The following SEPTIN11 variants were observed in gnomAD, a reference collection of about 807,000 sequenced individuals.
The protein encoded by SEPTIN11 is septin-11.
In SEPTIN11, 25 loss-of-function variants were observed where a neutral mutation model predicts 51.4. The ratio of observed to expected loss-of-function variants is 0.49; its 90% confidence interval spans 0.35 to 0.68. The LOEUF (loss-of-function observed/expected upper bound fraction) is 0.68. Among genes scored for constraint, SEPTIN11 ranks in the 30% least tolerant of loss-of-function variants. The pLI is 0.00. For missense variants in SEPTIN11, 381 were observed against 520.8 expected, an observed-to-expected ratio of 0.73 and a Z score of 2.61; for synonymous variants, 174 against 184.1, an observed-to-expected ratio of 0.95 and a Z score of 0.44.
intron 2 of SEPTIN11, among the ~76,000 whole-genome samples, chr4:77,000,820 A>G (rs1336867852): frequency 6.6e-6 from 1 of 152,192 alleles, no homozygotes; most frequent in Non-Finnish European, 1.5e-5. Flanking sequence ...AGTATGTTTC[A>G]TCAAAGGTGA....
Position 76,960,837 on chromosome 4 carries a change from T to G in SEPTIN11, c.27+10907T>G, listed in dbSNP as rs559487106. On this transcript the variant is annotated intron_variant, in intron 1 of 9. Coordinates refer to ENST00000264893, the MANE Select transcript of SEPTIN11 (RefSeq NM_018243.4). ...AACCAAATCAGAACCAAAATTTGTCTTTGGAAAATGGATCTCTTTGTCACT... is the reference window on the plus strand; with the variant it reads ...AACCAAATCAGAACCAAAATTTGTCGTTGGAAAATGGATCTCTTTGTCACT... Among the ~76,000 whole-genome samples the G allele has an allele frequency of 9.8e-5, 15 of 152,340 alleles. 1 individual carries two copies. The South Asian group carries it at 3.1e-3, about 32-fold the overall frequency.
intron 1 of SEPTIN11, among the ~76,000 whole-genome samples, chr4:76,954,983 A>AT (rs11324669): frequency 2.6e-5 from 4 of 151,524 alleles, no homozygotes; most frequent in South Asian, 2.1e-4. Context: ...TTATTTATTT[A>AT]TTTTTTTTTG....
intron 8 of SEPTIN11, among the ~76,000 whole-genome samples, chr4:77,029,781 C>CATAT (rs1553979371): frequency 7.2e-6 from 1 of 139,134 alleles, no homozygotes; most frequent in Admixed American, 7.2e-5. Flanking sequence ...CACACACACA[C>CATAT]ATATATATAC....
intron 1 of SEPTIN11, among the ~76,000 whole-genome samples, chr4:76,955,961 C>T (rs558281633): frequency 2.0e-5 from 3 of 152,260 alleles, no homozygotes; most frequent in Middle Eastern, 3.4e-3. Flanking sequence ...CCACCTTGGA[C>T]TTCAAGTGGC....
At position 77,008,031 on chromosome 4, in the gene SEPTIN11, C is replaced by T. The variant is rs116358094; in HGVS notation, c.338+2235C>T. ...GAATGTCCCAGTTTGTTTATGTAGG[C>T]TTTGGACATGTCAACATTCCTGTAT... is the stretch of plus-strand genomic sequence containing the variant. On this transcript the variant is annotated intron_variant, in intron 3 of 9. Coordinates refer to ENST00000264893, the MANE Select transcript of SEPTIN11 (RefSeq NM_018243.4). Among the ~76,000 whole-genome samples the T allele has an allele frequency of 7.5e-3, 1,138 of 152,338 alleles. 10 individuals carry two copies. The highest frequency in any genetic ancestry group is 0.026 in the African/African-American group (1,075 of 41,570).
At chr4:76,961,439 A>G (rs1365476703) in intron 1 of SEPTIN11, among the ~76,000 whole-genome samples, 3 of 152,186 alleles carry the variant, frequency 2.0e-5, no homozygotes, top group Non-Finnish European at 4.4e-5. Flanking sequence ...ACCATTCCAC[A>G]TGCTTTTGAC....
intron 2 of SEPTIN11, among the ~76,000 whole-genome samples, chr4:77,005,193 G>A (rs1578172016): frequency 6.6e-6 from 1 of 152,266 alleles, no homozygotes; most frequent in South Asian, 2.1e-4. Flanking sequence ...CTTGTTTCAA[G>A]TAACAGAAAT....
intron 7 of SEPTIN11, among the ~76,000 whole-genome samples, chr4:77,028,332 T>G (rs1370745303): frequency 5.3e-5 from 8 of 152,132 alleles, no homozygotes; most frequent in African/African-American, 1.4e-4. Context: ...CTATACCACC[T>G]CCACCTCCTC....
At chr4:76,952,859 G>A (rs537296968) in intron 1 of SEPTIN11, among the ~76,000 whole-genome samples, 9 of 152,102 alleles carry the variant, frequency 5.9e-5, no homozygotes, top group African/African-American at 1.9e-4. Context: ...GCATTTTTGC[G>A]TCCAAATCCC....
At chr4:77,023,302 A>ACACACAAT (rs1553976962) in intron 7 of SEPTIN11, among the ~76,000 whole-genome samples, 3 of 143,934 alleles carry the variant, frequency 2.1e-5, no homozygotes, top group South Asian at 2.2e-4. Flanking sequence ...ACACACACAC[A>ACACACAAT]ATATATATAT....
At chr4:76,950,642 T>G (rs1040708633) in intron 1 of SEPTIN11, among the ~76,000 whole-genome samples, 1 of 151,808 alleles carries the variant, frequency 6.6e-6, no homozygotes, top group East Asian at 1.9e-4. Flanking sequence ...AAGAATCGAG[T>G]GCCCCACGGC....
At chr4:76,995,788 C>G in intron 1 of SEPTIN11, 18 of 1,524,640 alleles carry the variant, frequency 1.2e-5, no homozygotes, top group Non-Finnish European at 1.5e-5. Flanking sequence ...TAGTCTACAT[C>G]GGTAAACTCT....
Position 76,960,683 on chromosome 4 carries a change from A to G in SEPTIN11, c.27+10753A>G, listed in dbSNP as rs528879073. On this transcript the variant is annotated intron_variant, in intron 1 of 9. Transcript: ENST00000264893. ...ATATTTCTAAATCTCCTCTTTCTTGAAAAACTTATGCTTTTATTCCTCAGT... is the reference window on the plus strand; with the variant it reads ...ATATTTCTAAATCTCCTCTTTCTTGGAAAACTTATGCTTTTATTCCTCAGT... 2.6e-5 allele frequency among the ~76,000 whole-genome samples: 4 copies of G among 152,302 alleles called. No homozygotes were observed. In the East Asian group the frequency reaches 7.7e-4, roughly 29 times the overall value.
rs1206340374 is a variant in SEPTIN11 at position 77,035,645 on chromosome 4, A to G, written c.*1133A>G. 2 of 985,586 alleles carry G rather than the reference A, an allele frequency of 2.0e-6. No homozygotes were observed. Among genetic ancestry groups the G allele is most frequent in the Non-Finnish European group, 2.4e-6 (2 of 829,940 alleles). The allele number at this position is 985,586 out of a possible 1,614,324, so 61.1% of individuals were successfully genotyped here. A position where few individuals can be genotyped will look rare whatever the true frequency, so the allele number is the denominator to read the frequency against. ...TCCTTTCAGTATTTGGCAATAAAAG[A>G]AAGAAGAAATAGAACAGCTGAAGTC... On this transcript the variant is annotated 3_prime_UTR_variant, in exon 10 of 10. Transcript: ENST00000264893.
rs1222550181 is a variant in SEPTIN11, at chr4:77,036,877, T to G, written c.*2365T>G. ...AAGAAACCTTTGAGATCTTTCTGAC[T>G]TTTCAAAATTAGAGAAAGCAAATGG... On this transcript the variant is annotated 3_prime_UTR_variant, in exon 10 of 10. Coordinates refer to ENST00000264893, the MANE Select transcript of SEPTIN11 (RefSeq NM_018243.4). The G allele has an allele frequency of 2.1e-6, 3 of 1,408,882 alleles. No individual in the cohort carries two copies. In the African/African-American group the frequency reaches 4.5e-5, roughly 21 times the overall value. The allele number at this position is 1,408,882 out of a possible 1,614,324, so 87.3% of individuals were successfully genotyped here.
Position 76,995,946 on chromosome 4 carries a change from G to A in SEPTIN11, c.28-479G>A, listed in dbSNP as rs916009554. The stretch of plus-strand genomic sequence containing the variant: ...AAATATGCTGCATTTATGGTAGGTA[G>A]AGCATTGTCATCATTGTAAGGAGTA... On this transcript the variant is annotated intron_variant, in intron 1 of 9. Coordinates refer to ENST00000264893, the MANE Select transcript of SEPTIN11 (RefSeq NM_018243.4). 44 of 1,535,242 alleles carry A rather than the reference G, an allele frequency of 2.9e-5. No individual in the cohort carries two copies. The African/African-American group carries it at 4.9e-4, about 17-fold the overall frequency.
At chr4:77,027,472 C>T (rs918382601) in intron 7 of SEPTIN11, among the ~76,000 whole-genome samples, 2 of 152,160 alleles carry the variant, frequency 1.3e-5, no homozygotes, top group African/African-American at 4.8e-5. Context: ...TTGTGTGGTT[C>T]ATTATAGATG....
Position 77,037,336 on chromosome 4 carries a change from T to C in SEPTIN11, c.*2824T>C, listed in dbSNP as rs1338069708. ...AAGATTGCACCACTGCATTCCAACC[T>C]GGGTGATGAAGTGAGACTCTCCAAA... On this transcript the variant is annotated 3_prime_UTR_variant, in exon 10 of 10. Transcript: ENST00000264893. The C allele has an allele frequency of 3.1e-6, 3 of 965,006 alleles. No individual in the cohort carries two copies. Among genetic ancestry groups the C allele is most frequent in the Non-Finnish European group, 3.7e-6 (3 of 812,134 alleles). The allele number at this position is 965,006 out of a possible 1,614,324, so 59.8% of individuals were successfully genotyped here. A position where few individuals can be genotyped will look rare whatever the true frequency, so the allele number is the denominator to read the frequency against.
intron 1 of SEPTIN11, among the ~76,000 whole-genome samples, chr4:76,974,251 G>C (rs1228509601): frequency 6.6e-6 from 1 of 152,054 alleles, no homozygotes; most frequent in Non-Finnish European, 1.5e-5. Context: ...TCCTTTTCCT[G>C]TTGTCCTCTT....
Sources: allele counts gnomAD v4.1 joint callset (sites outside exome capture counted in the v4.1 genomes callset), GRCh38; gene constraint gnomAD v4.1.1; transcripts MANE v1.5; gene names NCBI Gene and HGNC (gene_info 2026-07-23, HGNC 2026-07-21).